Variants in RPS6KC1 observed in about 807,000 individuals in gnomAD.
RPS6KC1 encodes the protein inactive ribosomal protein S6 kinase delta-1.
In RPS6KC1, 54 loss-of-function variants were observed where a neutral mutation model predicts 103.8. That is an observed-to-expected ratio of 0.52 (90% CI 0.42 to 0.65). RPS6KC1 has a LOEUF of 0.65. Ranked by LOEUF, RPS6KC1 falls within the 30% of genes least tolerant of loss-of-function variation. The pLI is 0.00. For synonymous variants in RPS6KC1, 439 were observed against 438.7 expected (o/e 1.00, Z -0.01); for missense variants, 1,151 against 1,253.8 (o/e 0.92, Z 1.24).
chr1:213,617,175 C>T, the RPS6KC1 span, among the ~76,000 whole-genome samples: 3 of 152,122 alleles, frequency 2.0e-5, no homozygotes, highest in African/African-American at 7.2e-5. Flanking sequence ...GGGAGTCACC[C>T]AGGGCTATGT....
At chr1:213,311,418 G>A in the RPS6KC1 span, among the ~76,000 whole-genome samples, 7 of 152,188 alleles carry the variant, frequency 4.6e-5, no homozygotes, top group East Asian at 3.9e-4. Context: ...GATTACAGGC[G>A]TGAGCCACCG....
chr1:213,460,959 C>T, the RPS6KC1 span, among the ~76,000 whole-genome samples: 2 of 152,238 alleles, frequency 1.3e-5, no homozygotes, highest in African/African-American at 4.8e-5. Context: ...GAGAGATCCA[C>T]TGTTAGTCTG....
At chr1:213,229,366 A>G (rs2094034958) in intron 8 of RPS6KC1, among the ~76,000 whole-genome samples, 1 of 150,812 alleles carries the variant, frequency 6.6e-6, no homozygotes, top group Non-Finnish European at 1.5e-5. Flanking sequence ...TTCCTTACCC[A>G]GTGGTGGGCT....
the RPS6KC1 span, among the ~76,000 whole-genome samples, chr1:213,742,765 G>A: frequency 6.6e-6 from 1 of 152,262 alleles, no homozygotes; most frequent in Non-Finnish European, 1.5e-5. Context: ...GAGACTGGAA[G>A]CACTGCATGC....
chr1:213,176,948 T>G (rs1163052803), intron 8 of RPS6KC1, among the ~76,000 whole-genome samples: 1 of 152,190 alleles, frequency 6.6e-6, no homozygotes, highest in Non-Finnish European at 1.5e-5. Flanking sequence ...ACAATTGTAT[T>G]TGCATCTTGG....
intron 1 of RPS6KC1, 88 bp from the exon 2 acceptor site, chr1:213,070,918 A>G (rs977068387): frequency 1.2e-5 from 10 of 814,028 alleles, no homozygotes; most frequent in Non-Finnish European, 1.7e-5. Flanking sequence ...TGAATTTTTC[A>G]TACAAATACT....
the RPS6KC1 span, among the ~76,000 whole-genome samples, chr1:213,723,136 C>T: frequency 1.3e-5 from 2 of 152,120 alleles, no homozygotes; most frequent in Non-Finnish European, 2.9e-5. Context: ...GCCGAGATCC[C>T]GCCATTGCAC....
At chr1:213,139,572 T>C (rs1476532198) in intron 6 of RPS6KC1, among the ~76,000 whole-genome samples, 3 of 152,116 alleles carry the variant, frequency 2.0e-5, no homozygotes, top group South Asian at 4.1e-4. Context: ...TAGCCAGTTA[T>C]CCCAGCACCA....
chr1:213,697,719 G>T, the RPS6KC1 span, among the ~76,000 whole-genome samples: 2 of 152,148 alleles, frequency 1.3e-5, no homozygotes, highest in Non-Finnish European at 2.9e-5. Flanking sequence ...TATAGAATAA[G>T]AGCTAAAGGG....
the RPS6KC1 span, among the ~76,000 whole-genome samples, chr1:213,786,920 A>G: frequency 5.9e-5 from 9 of 152,324 alleles, no homozygotes; most frequent in African/African-American, 2.2e-4. Context: ...TATAAGAAGT[A>G]AGGCATTTAC....
chr1:213,678,810 AAACT>A, the RPS6KC1 span, among the ~76,000 whole-genome samples: 1 of 152,206 alleles, frequency 6.6e-6, no homozygotes, highest in African/African-American at 2.4e-5. Context: ...CACGCTGACT[AAACT>A]AACGAATTTC....
the RPS6KC1 span, among the ~76,000 whole-genome samples, chr1:213,537,333 C>T: frequency 1.3e-5 from 2 of 152,140 alleles, no homozygotes; most frequent in Non-Finnish European, 2.9e-5. Context: ...GTTATTGCCA[C>T]TGGGAGCGTT....
At chr1:213,649,159 CT>C in the RPS6KC1 span, among the ~76,000 whole-genome samples, 1 of 151,800 alleles carries the variant, frequency 6.6e-6, no homozygotes, top group Admixed American at 6.6e-5. Flanking sequence ...AGACCAGCAT[CT>C]GGCTCTGCTG....
chr1:213,762,901 G>A, the RPS6KC1 span, among the ~76,000 whole-genome samples: 12 of 146,696 alleles, frequency 8.2e-5, no homozygotes, highest in South Asian at 2.1e-4. Context: ...TCTCCCTGTC[G>A]CCCAGACTGG....
the RPS6KC1 span, among the ~76,000 whole-genome samples, chr1:213,374,668 G>A: frequency 6.6e-6 from 1 of 152,198 alleles, no homozygotes; most frequent in Non-Finnish European, 1.5e-5. Context: ...CACACCACGT[G>A]GAAAGGTGGT....
Position 213,203,006 on chromosome 1 carries a change from C to T in RPS6KC1, c.1044+26514C>T, listed in dbSNP as rs184982385. On this transcript the variant is annotated intron_variant, in intron 8 of 14. Transcript: ENST00000366960. ...TTAGAGGTCAGTCATCTTATGTTTT[C>T]TTTAGTATATTTTTTCAGAGTTGGA... Among the ~76,000 whole-genome samples the T allele has an allele frequency of 4.2e-3, 644 of 151,920 alleles. 2 individuals carry two copies. The highest frequency in any genetic ancestry group is 0.015 in the African/African-American group (608 of 41,436).
At chr1:213,338,531 G>A in the RPS6KC1 span, among the ~76,000 whole-genome samples, 1 of 152,188 alleles carries the variant, frequency 6.6e-6, no homozygotes, top group Non-Finnish European at 1.5e-5. Context: ...TATGTCCATA[G>A]CAGGTGTTCA....
the RPS6KC1 span, among the ~76,000 whole-genome samples, chr1:213,427,323 C>T: frequency 1.3e-5 from 2 of 152,144 alleles, no homozygotes; most frequent in African/African-American, 4.8e-5. Context: ...TTTATAAAGA[C>T]CATCTAAGAA....
At chr1:213,112,446 A>G (rs1000338288) in intron 4 of RPS6KC1, among the ~76,000 whole-genome samples, 1 of 152,066 alleles carries the variant, frequency 6.6e-6, no homozygotes, top group African/African-American at 2.4e-5. Flanking sequence ...AGAGAAATCA[A>G]TTTTATATTT....
Sources: gnomAD v4.1 joint callset for allele counts (sites outside exome capture counted in the v4.1 genomes callset) on GRCh38, gnomAD v4.1.1 for gene constraint, MANE v1.5 for transcripts, NCBI Gene and HGNC (gene_info 2026-07-23, HGNC 2026-07-21) for gene names.